Variants in GLRA2 observed in about 807,000 individuals in gnomAD.
GLRA2 encodes glycine receptor alpha 2, also known as glycine receptor subunit alpha-2.
In GLRA2, 11 loss-of-function variants were observed where a neutral mutation model predicts 31.6. The ratio of observed to expected loss-of-function variants is 0.35; its 90% CI spans 0.22 to 0.58. The LOEUF (loss-of-function observed/expected upper bound fraction) is 0.58, where lower values mean the gene tolerates loss of function less well. Among genes scored for constraint, GLRA2 ranks in the 20% least tolerant of loss-of-function variants. The probability of loss-of-function intolerance (pLI) is 0.84; values close to 1 mark genes in which losing one functional copy is unlikely to be tolerated. For missense variants in GLRA2, 212 were observed against 351.8 expected, an observed-to-expected ratio of 0.60 and a Z score of 3.18; for synonymous variants, 132 against 134.0, an observed-to-expected ratio of 0.99 and a Z score of 0.10.
At chrX:14,483,844 T>C in the GLRA2 span, among the ~76,000 whole-genome samples, 1 of 111,372 alleles carries the variant, frequency 9.0e-6, no homozygotes, top group Non-Finnish European at 1.9e-5. Context: ...AGACCCACCT[T>C]TAATCTGGGT....
intron 1 of GLRA2, among the ~76,000 whole-genome samples, chrX:14,531,891 A>G (rs188334717): frequency 9.0e-6 from 1 of 111,617 alleles, no homozygotes; most frequent in African/African-American, 3.2e-5. Flanking sequence ...TTTTAAGACA[A>G]TCACATGAAT....
intron 4 of GLRA2, among the ~76,000 whole-genome samples, chrX:14,584,441 T>A (rs2147069689): frequency 9.0e-6 from 1 of 111,615 alleles, no homozygotes; most frequent in East Asian, 2.8e-4. Context: ...TGCAAATAAT[T>A]TTTCCAAGTC....
intron 2 of GLRA2, among the ~76,000 whole-genome samples, chrX:14,571,430 C>G (rs1040484801): frequency 8.9e-6 from 1 of 112,025 alleles, no homozygotes; most frequent in Non-Finnish European, 1.9e-5. Context: ...AAAGAACTTG[C>G]AGGTCAACTT....
chrX:14,466,266 A>G, the GLRA2 span, among the ~76,000 whole-genome samples: 1 of 110,744 alleles, frequency 9.0e-6, no homozygotes, highest in Non-Finnish European at 1.9e-5. Context: ...ATGCCTTCCA[A>G]CAGCTTGGAA....
chrX:14,624,853 A>G (rs924217021), intron 7 of GLRA2, among the ~76,000 whole-genome samples: 4 of 111,765 alleles, frequency 3.6e-5, no homozygotes, highest in Non-Finnish European at 5.6e-5. Context: ...AGTTCTGTAG[A>G]TGTCTATTAG....
chrX:14,456,980 T>C, the GLRA2 span, among the ~76,000 whole-genome samples: 1 of 111,954 alleles, frequency 8.9e-6, no homozygotes, highest in African/African-American at 3.2e-5. Context: ...CTATCAACTG[T>C]GTAAAAGGGT....
intron 7 of GLRA2, among the ~76,000 whole-genome samples, chrX:14,624,292 A>G (rs1262375599): frequency 9.0e-6 from 1 of 111,178 alleles, no homozygotes; most frequent in Non-Finnish European, 1.9e-5. Context: ...GATCTTTTCA[A>G]AAAACCAGCT....
At chrX:14,706,936 C>T (rs1440511702) in intron 8 of GLRA2, among the ~76,000 whole-genome samples, 1 of 112,054 alleles carries the variant, frequency 8.9e-6, no homozygotes, top group African/African-American at 3.2e-5. Flanking sequence ...ACAGCCAATT[C>T]CTGACTGCCA....
chrX:14,500,158 C>T, the GLRA2 span, among the ~76,000 whole-genome samples: 8 of 112,151 alleles, frequency 7.1e-5, no homozygotes, highest in East Asian at 5.6e-4. Flanking sequence ...AAATTCTGCT[C>T]TGTATTTTGG....
At chrX:14,505,063 C>T in the GLRA2 span, among the ~76,000 whole-genome samples, 2 of 111,569 alleles carry the variant, frequency 1.8e-5, no homozygotes, top group African/African-American at 6.5e-5. Context: ...ACAATCAGAT[C>T]CCAGGGAGAA....
At chrX:14,599,985 T>C (rs948210601) in intron 4 of GLRA2, among the ~76,000 whole-genome samples, 6 of 110,889 alleles carry the variant, frequency 5.4e-5, no homozygotes, top group Non-Finnish European at 9.5e-5. Flanking sequence ...CTCTCCTCCT[T>C]ATTATTGGCA....
chrX:14,648,476 TC>T (rs1334392289), intron 7 of GLRA2, among the ~76,000 whole-genome samples: 3 of 111,847 alleles, frequency 2.7e-5, no homozygotes, highest in Non-Finnish European at 5.6e-5. Context: ...GAGAAAGTCT[TC>T]TCAGATCACA....
intron 7 of GLRA2, among the ~76,000 whole-genome samples, chrX:14,683,178 G>C (rs1324107146): frequency 3.6e-5 from 4 of 111,859 alleles, no homozygotes; most frequent in African/African-American, 1.3e-4. Flanking sequence ...CAGTGTAAAA[G>C]TGTTCCTATT....
the GLRA2 span, among the ~76,000 whole-genome samples, chrX:14,472,904 A>G: frequency 9.0e-6 from 1 of 111,280 alleles, no homozygotes; most frequent in Non-Finnish European, 1.9e-5. Context: ...ATACTCCTAT[A>G]CAAGAAGAGA....
intron 7 of GLRA2, among the ~76,000 whole-genome samples, chrX:14,646,907 C>T (rs1211880398): frequency 8.9e-6 from 1 of 111,794 alleles, no homozygotes; most frequent in East Asian, 2.8e-4. Flanking sequence ...CCCTTCTTGC[C>T]GTATGTGTCC....
At chrX:14,553,364 A>G (rs2089594028) in intron 2 of GLRA2, among the ~76,000 whole-genome samples, 1 of 111,861 alleles carries the variant, frequency 8.9e-6, no homozygotes, top group African/African-American at 3.2e-5. Context: ...AGATACATCA[A>G]TCCCTTGCAA....
At chrX:14,711,448 G>A (rs934757861) in intron 8 of GLRA2, among the ~76,000 whole-genome samples, 8 of 112,098 alleles carry the variant, frequency 7.1e-5, no homozygotes, top group South Asian at 7.3e-4. Flanking sequence ...GAGCTGAGGC[G>A]GTGTGGGCCT....
chrX:14,674,028 C>A (rs180821168), intron 7 of GLRA2, among the ~76,000 whole-genome samples: 14 of 112,401 alleles, frequency 1.2e-4, no homozygotes, highest in African/African-American at 3.9e-4. Context: ...GTCAGTGAGG[C>A]AGAAAAGCAC....
At chrX:14,510,427 C>G in the GLRA2 span, among the ~76,000 whole-genome samples, 1 of 111,427 alleles carries the variant, frequency 9.0e-6, no homozygotes, top group African/African-American at 3.3e-5. Context: ...GTCAATGAAG[C>G]CTAATTTTTG....
Sources: allele counts gnomAD v4.1 joint callset (sites outside exome capture counted in the v4.1 genomes callset), GRCh38; gene constraint gnomAD v4.1.1; transcripts MANE v1.5; gene names NCBI Gene and HGNC (gene_info 2026-07-23, HGNC 2026-07-21).